Variants in TJP1 observed in about 807,000 individuals in gnomAD.
TJP1 encodes the protein tight junction protein ZO-1.
TJP1 carries 43 observed loss-of-function variants against 194.2 expected under a neutral mutation model. The observed-to-expected ratio is 0.22, with a 90% CI of 0.17 to 0.29. The LOEUF (loss-of-function observed/expected upper bound fraction) is 0.29. TJP1 is among the 10% of genes least tolerant of loss of function. The pLI, the probability that TJP1 is intolerant of heterozygous loss-of-function variation, is 1.00. For missense variants in TJP1, 1,971 were observed against 2,185.7 expected (o/e 0.90, Z 1.96); for synonymous variants, 801 against 779.0 (o/e 1.03, Z -0.47).
chr15:29,801,291 C>T (rs1039522013), intron 1 of TJP1, among the ~76,000 whole-genome samples: 10 of 151,968 alleles, frequency 6.6e-5, no homozygotes, highest in African/African-American at 1.2e-4. Context: ...GTATCACACA[C>T]GTAGATACAC....
intron 2 of TJP1, among the ~76,000 whole-genome samples, chr15:29,893,302 A>C (rs2053372106): frequency 6.6e-6 from 1 of 152,146 alleles, no homozygotes; most frequent in African/African-American, 2.4e-5. Context: ...GATAGAATCT[A>C]CTCCTGGTAA....
At chr15:29,730,497 C>T (rs1287362871) in intron 15 of TJP1, among the ~76,000 whole-genome samples, 1 of 151,462 alleles carries the variant, frequency 6.6e-6, no homozygotes, top group Admixed American at 6.6e-5. Flanking sequence ...CTTGGAAGGC[C>T]GAGGTGTGTG....
intron 8 of TJP1, among the ~76,000 whole-genome samples, chr15:29,752,309 G>T (rs755747608): frequency 6.6e-6 from 1 of 152,058 alleles, no homozygotes; most frequent in Non-Finnish European, 1.5e-5. Context: ...CACCATGTTG[G>T]CCAGGCTGGT....
chr15:29,760,318 G>A, intron 8 of TJP1: 1 of 699,816 alleles, frequency 1.4e-6, no homozygotes, highest in Non-Finnish European at 2.6e-6. Flanking sequence ...TCTAAAGAAA[G>A]ATAAACTCAG....
intron 23 of TJP1, among the ~76,000 whole-genome samples, chr15:29,714,834 C>A (rs1349854915): frequency 6.6e-6 from 1 of 152,152 alleles, no homozygotes; most frequent in Non-Finnish European, 1.5e-5. Context: ...AGCCACTGCG[C>A]CTGGCCATAT....
At chr15:29,762,521 A>T in intron 5 of TJP1, 83 bp from the exon 6 acceptor site, 3 of 935,038 alleles carry the variant, frequency 3.2e-6, no homozygotes, top group Non-Finnish European at 4.9e-6. Flanking sequence ...TAAACTAATT[A>T]ACTACTGCAT....
Position 29,705,388 on chromosome 15 carries a change from G to A in TJP1, c.5068+140C>T, listed in dbSNP as rs544885412. 1,232 of 839,364 alleles carry A rather than the reference G, an allele frequency of 1.5e-3. 33 individuals carry two copies. In the South Asian group the frequency reaches 0.021, roughly 14 times the overall value. 52.0% of individuals were successfully genotyped at this position (839,364 alleles called of 1,614,324 possible). On this transcript the variant is annotated intron_variant, in intron 26 of 27. Transcript: ENST00000614355. ...CCACCCACTGCTTGCTTGCAACACC[G>A]TCCCCAGGGCACCCCTCGCTACAGC...
intron 1 of TJP1, among the ~76,000 whole-genome samples, chr15:29,961,699 T>TC (rs893359418): frequency 9.9e-5 from 15 of 152,082 alleles, no homozygotes; most frequent in Non-Finnish European, 1.5e-5. Context: ...CTGGAGGCAG[T>TC]CCCCCACTTG....
Position 29,733,099 on chromosome 15 carries a change from C to T in TJP1, c.1731G>A (p.Lys577=). 6.2e-7 allele frequency: 1 copy of T among 1,613,098 alleles called. No individual in the cohort carries two copies. Among genetic ancestry groups the T allele is most frequent in the Non-Finnish European group, 8.5e-7 (1 of 1,179,158 alleles). The change falls in exon 13 of 28, where the codon AAG becomes AAA. Residue 577 remains lysine, a synonymous_variant. Transcript: ENST00000614355. ...KEVERGIIPN[K]NRAEQLASVQ... is the part of the protein sequence containing the mutation. ...AAGTATCCAAGCATTCATACCTGTTCTTATTAGGGATGATGCCTCGTTCTA... is the reference window on the plus strand; with the variant it reads ...AAGTATCCAAGCATTCATACCTGTTTTTATTAGGGATGATGCCTCGTTCTA...
chr15:29,921,160 T>C (rs1486974807), intron 2 of TJP1, among the ~76,000 whole-genome samples: 1 of 152,262 alleles, frequency 6.6e-6, no homozygotes, highest in South Asian at 2.1e-4. Context: ...TATTTCAATA[T>C]CCATGTGAAT....
At chr15:29,703,211 G>A (rs567827939) in intron 27 of TJP1, among the ~76,000 whole-genome samples, 5 of 152,284 alleles carry the variant, frequency 3.3e-5, no homozygotes, top group African/African-American at 1.2e-4. Flanking sequence ...AGCACTCTGG[G>A]AGGCCGAGGC....
rs1359526501 is a variant in TJP1, at chr15:29,704,245, G to C, written c.5129C>G (p.Pro1710Arg). The C allele has an allele frequency of 1.3e-6, 2 of 1,597,518 alleles. No homozygotes were observed. The highest frequency in any genetic ancestry group is 4.5e-5 in the East Asian group (2 of 44,498). The change falls in exon 27 of 28, where the codon CCT (proline) becomes CGT (arginine). Residue 1710 changes from proline (P) to arginine (R), a missense_variant. Physicochemically the swap from Pro to Arg is moderately radical, Grantham distance 103. Transcript: ENST00000614355. Reference protein sequence around the residue: ...CGPHGLKFLKPVELRLPHCAS... With the variant: ...CGPHGLKFLKRVELRLPHCAS... ...ACAGTGTGGTAAGCGCAGCTCCACA[G>C]GCTTCAGGAACTTGAGGCCATGGGG...
At chr15:29,827,859 C>G (rs1215584998) in intron 2 of TJP1, among the ~76,000 whole-genome samples, 1 of 152,152 alleles carries the variant, frequency 6.6e-6, no homozygotes, top group East Asian at 1.9e-4. Flanking sequence ...AGATACTGTT[C>G]TGTCAGTTTG....
At chr15:29,968,429 C>T in intron 1 of TJP1, 1 of 983,846 alleles carries the variant, frequency 1.0e-6, no homozygotes. Flanking sequence ...GCGCCGCGGG[C>T]ACAGCGAGGG....
Position 29,719,005 on chromosome 15 carries a change from A to C in TJP1, c.3137T>G (p.Val1046Gly). ...GAGGTCTCTGCTGGCTTGTTTCTCT[A>C]CGTATGGGAGTTGGGGTTCATAGGT... ...NLTYEPQLPY[V>G]EKQASRDLEQ... The change falls in exon 21 of 28, where the codon GTA (valine) becomes GGA (glycine). Residue 1046 changes from valine (V) to glycine (G), a missense_variant. Physicochemically the swap from Val to Gly is moderately radical, Grantham distance 109. Transcript: ENST00000614355. 2 of 1,614,076 alleles carry C rather than the reference A, an allele frequency of 1.2e-6. No individual in the cohort carries two copies. The highest frequency in any genetic ancestry group is 1.7e-6 in the Non-Finnish European group (2 of 1,180,006).
chr15:29,820,538 A>G (rs755800341), intron 1 of TJP1: 1 of 716,908 alleles, frequency 1.4e-6, no homozygotes, highest in Non-Finnish European at 2.6e-6. Context: ...TTACTGTGGC[A>G]ATCCATTGAA....
chr15:29,864,410 G>A (rs2052226807), intron 2 of TJP1, among the ~76,000 whole-genome samples: 1 of 152,090 alleles, frequency 6.6e-6, no homozygotes, highest in Non-Finnish European at 1.5e-5. Flanking sequence ...TTTATTCAGA[G>A]TGTAAGTTCC....
At chr15:29,812,850 G>A (rs1203924095) in intron 1 of TJP1, among the ~76,000 whole-genome samples, 4 of 152,110 alleles carry the variant, frequency 2.6e-5, no homozygotes, top group Non-Finnish European at 4.4e-5. Context: ...TGTTTGTTTT[G>A]ACACATATTT....
intron 23 of TJP1, among the ~76,000 whole-genome samples, chr15:29,714,246 C>CTTTTTTTTTTTTTTTTTTTT (rs546399070): frequency 6.8e-6 from 1 of 147,450 alleles, no homozygotes; most frequent in South Asian, 2.2e-4. Flanking sequence ...AAATATACTC[C>CTTTTTTTTTTTTTTTTTTTT]TTTTTTTTTT....
Sources: allele counts gnomAD v4.1 joint callset (sites outside exome capture counted in the v4.1 genomes callset), GRCh38; gene constraint gnomAD v4.1.1; transcripts MANE v1.5; gene names NCBI Gene and HGNC (gene_info 2026-07-23, HGNC 2026-07-21).